The following WWOX variants were observed in gnomAD, a reference collection of about 807,000 sequenced individuals.
WWOX encodes the protein WW domain containing oxidoreductase, also known as WW domain-containing oxidoreductase.
WWOX carries 69 observed loss-of-function variants against 46.2 expected under a neutral mutation model. That is an observed-to-expected ratio of 1.49 (90% CI 1.23 to 1.82). The LOEUF (loss-of-function observed/expected upper bound fraction) is 1.82. Among genes scored for constraint, WWOX ranks in the 40% most tolerant of loss-of-function variants. The probability of loss-of-function intolerance (pLI) is 0.00; values close to 1 mark genes in which losing one functional copy is unlikely to be tolerated. For missense variants in WWOX, 919 were observed against 542.6 expected, an observed-to-expected ratio of 1.69 and a Z score of -6.89; for synonymous variants, 359 against 202.6, an observed-to-expected ratio of 1.77 and a Z score of -6.56.
chr16:78,956,576 G>T (rs1405681847), intron 8 of WWOX, among the ~76,000 whole-genome samples: 3 of 152,166 alleles, frequency 2.0e-5, no homozygotes, highest in Non-Finnish European at 2.9e-5. Flanking sequence ...GGAATGACAT[G>T]TATCTATCAT....
chr16:78,572,220 A>G (rs2044732934), intron 8 of WWOX, among the ~76,000 whole-genome samples: 1 of 152,184 alleles, frequency 6.6e-6, no homozygotes, highest in Admixed American at 6.5e-5. Flanking sequence ...ACATTCCTGC[A>G]TAGGAGATAG....
At chr16:78,101,711 A>C (rs1455949177) in intron 1 of WWOX, among the ~76,000 whole-genome samples, 1 of 152,202 alleles carries the variant, frequency 6.6e-6, no homozygotes, top group Non-Finnish European at 1.5e-5. Context: ...CTATGCAAGG[A>C]TGTGAACCAC....
At chr16:78,728,427 CGTT>C (rs2048888115) in intron 8 of WWOX, among the ~76,000 whole-genome samples, 1 of 152,116 alleles carries the variant, frequency 6.6e-6, no homozygotes, top group Non-Finnish European at 1.5e-5. Context: ...AGAAAAGTGG[CGTT>C]GTGCTACATT....
chr16:78,891,591 A>G (rs543811187), intron 8 of WWOX: 1 of 152,348 alleles, frequency 6.6e-6, no homozygotes, highest in Non-Finnish European at 1.5e-5. Context: ...ATTGATGCAA[A>G]GAATTAATGT....
Position 78,892,559 on chromosome 16 carries a change from C to T in WWOX, c.1057-319049C>T, listed in dbSNP as rs541918646. ...CGACAACATTCTTGTTCAGAGCGTTCTTCCTCCACATTTTATCCAAAGCAG... is the reference window on the plus strand; with the variant it reads ...CGACAACATTCTTGTTCAGAGCGTTTTTCCTCCACATTTTATCCAAAGCAG... On this transcript the variant is annotated intron_variant, in intron 8 of 8. Transcript: ENST00000566780. 3.3e-5 allele frequency among the ~76,000 whole-genome samples: 5 copies of T among 152,316 alleles called. No individual in the cohort carries two copies. The South Asian group carries it at 6.2e-4, about 19-fold the overall frequency.
intron 5 of WWOX, among the ~76,000 whole-genome samples, chr16:78,335,209 T>C (rs2080860337): frequency 6.6e-6 from 1 of 152,148 alleles, no homozygotes; most frequent in African/African-American, 2.4e-5. Flanking sequence ...CCACGGTGGT[T>C]TGCTGCAGAG....
chr16:78,886,794 G>A (rs540322717), intron 8 of WWOX, among the ~76,000 whole-genome samples: 7 of 152,156 alleles, frequency 4.6e-5, no homozygotes, highest in East Asian at 1.9e-4. Flanking sequence ...GGTTCCACCT[G>A]CAACAGCTGT....
Position 78,828,629 on chromosome 16 carries a change from A to G in WWOX, c.1057-382979A>G, listed in dbSNP as rs187358293. ...CACATGTCCTAATAATAAACGTGAT[A>G]TAATCTATCATTATTTACAAAACTT... On this transcript the variant is annotated intron_variant, in intron 8 of 8. Transcript: ENST00000566780. Among the ~76,000 whole-genome samples the G allele has an allele frequency of 1.2e-3, 187 of 152,336 alleles. 1 individual carries two copies. Among genetic ancestry groups the G allele is most frequent in the Middle Eastern group, 3.4e-3 (1 of 294 alleles).
At chr16:78,658,507 C>A (rs1456107697) in intron 8 of WWOX, among the ~76,000 whole-genome samples, 1 of 152,144 alleles carries the variant, frequency 6.6e-6, no homozygotes, top group Non-Finnish European at 1.5e-5. Flanking sequence ...AGGCCAGACA[C>A]CTGACATCGA....
At chr16:79,016,941 C>T (rs948488352) in intron 8 of WWOX, 1 of 152,188 alleles carries the variant, frequency 6.6e-6, no homozygotes, top group Non-Finnish European at 1.5e-5. Context: ...CTCAGGTGAT[C>T]CGACCACCTC....
intron 8 of WWOX, among the ~76,000 whole-genome samples, chr16:78,464,944 G>C (rs2084039819): frequency 6.6e-6 from 1 of 152,210 alleles, no homozygotes; most frequent in Non-Finnish European, 1.5e-5. Flanking sequence ...CGTTTCACCT[G>C]GCTGGGGAGG....
At chr16:79,018,310 T>C (rs2047458288) in intron 8 of WWOX, among the ~76,000 whole-genome samples, 1 of 152,234 alleles carries the variant, frequency 6.6e-6, no homozygotes, top group South Asian at 2.1e-4. Context: ...CTGACAGTTG[T>C]TAATTAAATA....
At chr16:78,584,520 A>G (rs1597306241) in intron 8 of WWOX, among the ~76,000 whole-genome samples, 1 of 152,260 alleles carries the variant, frequency 6.6e-6, no homozygotes, top group Non-Finnish European at 1.5e-5. Flanking sequence ...AGCCCGGCAT[A>G]TAACGGGAGC....
chr16:79,024,496 C>G (rs529034872), intron 8 of WWOX, among the ~76,000 whole-genome samples: 1 of 152,180 alleles, frequency 6.6e-6, no homozygotes, highest in Admixed American at 6.5e-5. Context: ...TGCAGTGGTG[C>G]TATCTCAGCT....
chr16:78,952,468 C>T (rs1048441451), intron 8 of WWOX, among the ~76,000 whole-genome samples: 15 of 151,836 alleles, frequency 9.9e-5, no homozygotes, highest in African/African-American at 3.6e-4. Flanking sequence ...CTGCAACCTC[C>T]ACCTCCCAGG....
At chr16:78,992,974 A>T (rs2046917894) in intron 8 of WWOX, among the ~76,000 whole-genome samples, 1 of 151,768 alleles carries the variant, frequency 6.6e-6, no homozygotes, top group Non-Finnish European at 1.5e-5. Context: ...TTATTCAGTG[A>T]CTTCCTCCCT....
At position 78,917,947 on chromosome 16, in the gene WWOX, A is replaced by C. The variant is rs140820253; in HGVS notation, c.1057-293661A>C. ...CTGGGCGTGGTGGCTCACACACATA[A>C]TCTTAGCACTTTGGGAAGTTGAGGC... On this transcript the variant is annotated intron_variant, in intron 8 of 8. Coordinates refer to ENST00000566780, the MANE Select transcript of WWOX (RefSeq NM_016373.4). 9.6e-3 allele frequency among the ~76,000 whole-genome samples: 1,460 copies of C among 152,250 alleles called. 17 individuals are homozygous for C. Among genetic ancestry groups the C allele is most frequent in the African/African-American group, 0.033 (1,370 of 41,560 alleles).
At chr16:78,708,138 C>CCA (rs1397589204) in intron 8 of WWOX, among the ~76,000 whole-genome samples, 1 of 152,076 alleles carries the variant, frequency 6.6e-6, no homozygotes, top group African/African-American at 2.4e-5. Flanking sequence ...CTGCAGTGAG[C>CCA]TATGACTGCA....
chr16:79,137,085 T>A lies in WWOX; in HGVS notation c.1057-74523T>A, dbSNP rs116414765. ...CCCTCCATCTGCCAGCTAATTCCGG[T>A]TTCATTAATATGAATATTCTCACGC... On this transcript the variant is annotated intron_variant, in intron 8 of 8. Transcript: ENST00000566780. 9.8e-3 allele frequency among the ~76,000 whole-genome samples: 1,498 copies of A among 152,328 alleles called. 28 individuals are homozygous for A. The highest frequency in any genetic ancestry group is 0.034 in the African/African-American group (1,434 of 41,576).
Sources: gnomAD v4.1 joint callset for allele counts (sites outside exome capture counted in the v4.1 genomes callset) on GRCh38, gnomAD v4.1.1 for gene constraint, MANE v1.5 for transcripts, NCBI Gene and HGNC (gene_info 2026-07-23, HGNC 2026-07-21) for gene names.